Variants in SCCPDH observed in about 807,000 individuals in gnomAD.
SCCPDH encodes saccharopine dehydrogenase-like oxidoreductase.
A neutral mutation model predicts 51.5 loss-of-function variants in SCCPDH; 34 were observed. That is an observed-to-expected ratio of 0.66 (90% CI 0.50 to 0.88). The LOEUF (loss-of-function observed/expected upper bound fraction) is 0.88, where lower values mean the gene tolerates loss of function less well. Ranked by LOEUF, SCCPDH falls within the 40% of genes least tolerant of loss-of-function variation. SCCPDH has a pLI of 0.00. For missense variants in SCCPDH, 464 were observed against 527.1 expected (o/e 0.88, Z 1.17); for synonymous variants, 187 against 191.3 (o/e 0.98, Z 0.19).
chr1:246,735,337 ACTTTTTCCTGTATCTGGATTTTT>A (rs1668549665), intron 2 of SCCPDH, among the ~76,000 whole-genome samples: 1 of 151,962 alleles, frequency 6.6e-6, no homozygotes, highest in South Asian at 2.1e-4. Flanking sequence ...CTCTGCATTT[ACTTTTTCCTGTATCTGGATTTTT>A]CTTTTTCCTG....
chr1:246,764,225 C>T, intron 9 of SCCPDH, 21 bp from the exon 10 acceptor site: 1 of 1,496,588 alleles, frequency 6.7e-7, no homozygotes, highest in Non-Finnish European at 9.3e-7. Flanking sequence ...TGAAATGCGC[C>T]CTTTGCCTTC....
At position 246,758,310 on chromosome 1, in the gene SCCPDH, T is replaced by G. The variant is rs1668961138; in HGVS notation, c.649T>G (p.Ser217Ala). ...QSNLRKLRNVSNLKPVPLIGP... is the reference protein window; with the variant it reads ...QSNLRKLRNVANLKPVPLIGP... Reference sequence around the variant, plus strand: ...TAATTTGAGAAAACTAAGAAATGTATCAAATCTGAAACCTGTCCCGCTCAT... The same window carrying G: ...TAATTTGAGAAAACTAAGAAATGTAGCAAATCTGAAACCTGTCCCGCTCAT... Residue 217 changes from serine to alanine, a missense_variant, in exon 6 of 12, where the codon TCA (serine) becomes GCA (alanine). Coordinates refer to ENST00000366510, the MANE Select transcript of SCCPDH (RefSeq NM_016002.3). 6.2e-7 allele frequency: 1 copy of G among 1,611,360 alleles called. No homozygotes were observed. Among genetic ancestry groups the G allele is most frequent in the South Asian group, 1.1e-5 (1 of 90,518 alleles).
chr1:246,731,140 G>A lies in SCCPDH; in HGVS notation c.303+4136G>A, dbSNP rs1248954817. On this transcript the variant is annotated intron_variant, in intron 2 of 11. Transcript: ENST00000366510. ...TTGAGCCAATTGGCCTCACAGGGGA[G>A]AAGTGTCTCCCCGAGATGAAGGATT... is the stretch of plus-strand genomic sequence containing the variant. Among the ~76,000 whole-genome samples, 4 of 152,176 alleles carry A rather than the reference G, an allele frequency of 2.6e-5. No homozygotes were observed. In the South Asian group the frequency reaches 6.2e-4, roughly 24 times the overall value.
In SCCPDH at chr1:246,726,934, A is replaced by G. The variant is rs1344872317; in HGVS notation, c.233A>G (p.Asp78Gly). 1 of 1,614,204 alleles carries G rather than the reference A, an allele frequency of 6.2e-7. No homozygotes were observed. Among genetic ancestry groups the G allele is most frequent in the Admixed American group, 1.7e-5 (1 of 60,028 alleles). The change falls in exon 2 of 12, where the codon GAT becomes GGT. Residue 78 changes from aspartate to glycine, a missense_variant. Coordinates refer to ENST00000366510, the MANE Select transcript of SCCPDH (RefSeq NM_016002.3). ...TCTGAAGTTGGAATCATCATCTGTG[A>G]TATTGCTAATCCAGCCTCGCTTGAT... ...LSSEVGIIIC[D>G]IANPASLDEM...
chr1:246,727,984 A>G (rs1489948924), intron 2 of SCCPDH, among the ~76,000 whole-genome samples: 2 of 152,188 alleles, frequency 1.3e-5, no homozygotes, highest in Non-Finnish European at 2.9e-5. Flanking sequence ...CTGAGTGGAA[A>G]AGTAGATAAC....
chr1:246,725,333 A>T (rs900827140), intron 1 of SCCPDH, among the ~76,000 whole-genome samples: 1 of 152,128 alleles, frequency 6.6e-6, no homozygotes, highest in Non-Finnish European at 1.5e-5. Context: ...GAAGGAGCAT[A>T]TATTTATTGA....
chr1:246,766,337 G>T (rs1669086998), intron 11 of SCCPDH, among the ~76,000 whole-genome samples, 198 bp downstream of exon 11: 1 of 152,226 alleles, frequency 6.6e-6, no homozygotes, highest in Non-Finnish European at 1.5e-5. Flanking sequence ...AGGAACAACT[G>T]TGGAGGTAAA....
chr1:246,749,054 C>T (rs1668812538), intron 5 of SCCPDH, among the ~76,000 whole-genome samples: 1 of 152,146 alleles, frequency 6.6e-6, no homozygotes, highest in African/African-American at 2.4e-5. Flanking sequence ...ACATGGCCCT[C>T]GGGGGCTGAC....
intron 1 of SCCPDH, among the ~76,000 whole-genome samples, chr1:246,725,342 G>T (rs1211812383): frequency 6.6e-6 from 1 of 152,092 alleles, no homozygotes; most frequent in Non-Finnish European, 1.5e-5. Context: ...TATATTTATT[G>T]AGTGACGTTG....
chr1:246,724,721 C>G, intron 1 of SCCPDH, 109 bp downstream of exon 1: 1 of 988,310 alleles, frequency 1.0e-6, no homozygotes, highest in Non-Finnish European at 1.4e-6. Context: ...GTCCCCGAGC[C>G]CTGCGTGAGG....
At chr1:246,758,656 T>C (rs1377708310) in intron 6 of SCCPDH, among the ~76,000 whole-genome samples, 1 of 152,196 alleles carries the variant, frequency 6.6e-6, no homozygotes, top group African/African-American at 2.4e-5. Flanking sequence ...GTGAATCTTA[T>C]GATGACTTTT....
intron 6 of SCCPDH, 77 bp downstream of exon 6, chr1:246,758,433 G>A (rs1409016850): frequency 6.5e-6 from 7 of 1,079,766 alleles, no homozygotes; most frequent in East Asian, 2.7e-5. Flanking sequence ...AATAAAGTAT[G>A]TTACTAAGAA....
intron 5 of SCCPDH, among the ~76,000 whole-genome samples, chr1:246,745,519 T>A (rs1414291997): frequency 6.6e-6 from 1 of 152,148 alleles, no homozygotes; most frequent in East Asian, 1.9e-4. Context: ...GGCGAATACA[T>A]CTAACTAAGA....
intron 10 of SCCPDH, 37 bp from the exon 11 acceptor site, chr1:246,766,021 A>AT: frequency 7.6e-7 from 1 of 1,310,424 alleles, no homozygotes; most frequent in Non-Finnish European, 1.1e-6. Flanking sequence ...GTACTTCATG[A>AT]TTCCTTTCTT....
In SCCPDH at chr1:246,726,897, C is replaced by T. The variant is rs903083504; in HGVS notation, c.196C>T (p.Pro66Ser). The change falls in exon 2 of 12, where the codon CCA (proline) becomes TCA (serine). Residue 66 changes from proline to serine, a missense_variant. Transcript: ENST00000366510. ...LEKAALKLGRPTLSSEVGIII... is the reference protein window; with the variant it reads ...LEKAALKLGRSTLSSEVGIII... The stretch of plus-strand genomic sequence containing the variant: ...TCATTTGTTTCTTATTTTAGGAAGA[C>T]CAACACTGTCATCTGAAGTTGGAAT... The T allele has an allele frequency of 1.2e-6, 2 of 1,610,490 alleles. No homozygotes were observed. Among genetic ancestry groups the T allele is most frequent in the African/African-American group, 2.7e-5 (2 of 74,972 alleles).
chr1:246,759,018 T>A lies in SCCPDH; in HGVS notation c.696-16T>A. ...AATTGCAGGAAATGCAAAATATTCA[T>A]AGGTCTGTCTTGCAGGTGGCCAATT... is the stretch of plus-strand genomic sequence containing the variant. On this transcript the variant is annotated splice_polypyrimidine_tract_variant and intron_variant, in intron 6 of 11. Coordinates refer to ENST00000366510, the MANE Select transcript of SCCPDH (RefSeq NM_016002.3). 3 of 1,341,016 alleles carry A rather than the reference T, an allele frequency of 2.2e-6. No homozygotes were observed. Among genetic ancestry groups the A allele is most frequent in the Non-Finnish European group, 3.2e-6 (3 of 931,748 alleles). 83.1% of individuals were successfully genotyped at this position (1,341,016 alleles called of 1,614,324 possible). A position where few individuals can be genotyped will look rare whatever the true frequency, so the allele number is the denominator to read the frequency against.
At chr1:246,734,372 C>T (rs1054906609) in intron 2 of SCCPDH, among the ~76,000 whole-genome samples, 18 of 152,162 alleles carry the variant, frequency 1.2e-4, no homozygotes, top group African/African-American at 4.3e-4. Flanking sequence ...GTGTTTTATT[C>T]ATTTGGTAGG....
chr1:246,734,002 A>G (rs1216442129), intron 2 of SCCPDH, among the ~76,000 whole-genome samples: 1 of 152,042 alleles, frequency 6.6e-6, no homozygotes, highest in Non-Finnish European at 1.5e-5. Context: ...TTCCTGGGAG[A>G]ATGTCTGGGG....
chr1:246,754,418 G>C (rs937747185), intron 5 of SCCPDH, among the ~76,000 whole-genome samples: 17 of 152,188 alleles, frequency 1.1e-4, no homozygotes, highest in African/African-American at 4.1e-4. Flanking sequence ...GGGAATCCCG[G>C]GCGGGCCCCC....
Sources: gnomAD v4.1 joint callset for allele counts (sites outside exome capture counted in the v4.1 genomes callset) on GRCh38, gnomAD v4.1.1 for gene constraint, MANE v1.5 for transcripts, NCBI Gene and HGNC (gene_info 2026-07-23, HGNC 2026-07-21) for gene names.